Variants in AGAP1 observed in about 807,000 individuals in gnomAD.
AGAP1 encodes the protein arf-GAP with GTPase, ANK repeat and PH domain-containing protein 1.
Under a neutral mutation model 105.3 loss-of-function variants are expected in AGAP1, and 29 were observed. That is an observed-to-expected ratio of 0.28 (90% CI 0.21 to 0.38). AGAP1 has a LOEUF of 0.38. Ranked by LOEUF, AGAP1 falls within the 10% of genes least tolerant of loss-of-function variation. AGAP1 has a pLI of 1.00. For missense variants in AGAP1, 998 were observed against 1,165.1 expected, an observed-to-expected ratio of 0.86 and a Z score of 2.09; for synonymous variants, 509 against 485.9, an observed-to-expected ratio of 1.05 and a Z score of -0.63.
At chr2:235,652,207 G>A (rs1008287668) in intron 1 of AGAP1, among the ~76,000 whole-genome samples, 1 of 152,148 alleles carries the variant, frequency 6.6e-6, no homozygotes, top group Non-Finnish European at 1.5e-5. Context: ...TTGATTGAAT[G>A]TCCTGTGTCC....
intron 12 of AGAP1, among the ~76,000 whole-genome samples, chr2:235,950,512 G>A (rs1362795767): frequency 1.3e-5 from 2 of 152,072 alleles, no homozygotes; most frequent in Non-Finnish European, 2.9e-5. Context: ...AAGGGAGGGA[G>A]GGACCCTGAT....
At position 235,606,223 on chromosome 2, in the gene AGAP1, G is replaced by A. The variant is rs562005276; in HGVS notation, c.164-102956G>A. Among the ~76,000 whole-genome samples, 3 of 152,234 alleles carry A rather than the reference G, an allele frequency of 2.0e-5. No homozygotes were observed. The East Asian group carries it at 5.8e-4, about 29-fold the overall frequency. Reference sequence around the variant, plus strand: ...TTGGCATTGCTTCACATATGTTTGCGGCTGCCCTTTTTTAACCCCTTGGTG... The same window carrying A: ...TTGGCATTGCTTCACATATGTTTGCAGCTGCCCTTTTTTAACCCCTTGGTG... On this transcript the variant is annotated intron_variant, in intron 1 of 17. Transcript: ENST00000304032.
In AGAP1 at chr2:235,799,307, G is replaced by A; in HGVS notation, c.802-60G>A. On this transcript the variant is annotated intron_variant, in intron 7 of 17. Coordinates refer to ENST00000304032, the MANE Select transcript of AGAP1 (RefSeq NM_001037131.3). This position sits in a 1 kb window ranked among gnomAD's most constrained non-coding sequence, Gnocchi z 5.0. ...ACTTGTTGGTTATGACCTTGCCTAA[G>A]TGGAGGTCTTGGGTTCCTGAGTATG... The A allele has an allele frequency of 3.8e-6, 6 of 1,577,344 alleles. No homozygotes were observed. The highest frequency in any genetic ancestry group is 5.2e-6 in the Non-Finnish European group (6 of 1,158,392).
chr2:235,980,608 G>A (rs1169470167), intron 13 of AGAP1, among the ~76,000 whole-genome samples: 2 of 152,228 alleles, frequency 1.3e-5, no homozygotes, highest in East Asian at 1.9e-4. Context: ...TGATCCGGGG[G>A]AGGCTCTAAG....
intron 13 of AGAP1, among the ~76,000 whole-genome samples, chr2:235,980,088 G>A (rs2055026933): frequency 6.6e-6 from 1 of 152,188 alleles, no homozygotes; most frequent in South Asian, 2.1e-4. Flanking sequence ...TGTGGACCTT[G>A]AAGAGATTTC....
At chr2:235,814,790 A>G (rs997364940) in intron 9 of AGAP1, among the ~76,000 whole-genome samples, 4 of 152,290 alleles carry the variant, frequency 2.6e-5, no homozygotes, top group East Asian at 1.9e-4. Flanking sequence ...AGAGCTGCGG[A>G]TGGAGGGGTT....
At chr2:235,859,111 G>T (rs1009569276) in intron 9 of AGAP1, among the ~76,000 whole-genome samples, 4 of 152,116 alleles carry the variant, frequency 2.6e-5, no homozygotes, top group African/African-American at 9.7e-5. Context: ...ATGGTGCTCG[G>T]CGGCTGCTGA....
intron 1 of AGAP1, among the ~76,000 whole-genome samples, chr2:235,594,170 CTT>C (rs1015577434): frequency 2.0e-5 from 3 of 152,098 alleles, no homozygotes; most frequent in African/African-American, 7.2e-5. Flanking sequence ...TTCAAATAGA[CTT>C]AGTACTTCAG....
In AGAP1 at chr2:236,120,517, G is replaced by A. The variant is rs776896709; in HGVS notation, c.2370+70G>A. 6.5e-5 allele frequency: 103 copies of A among 1,588,012 alleles called. No homozygotes were observed. The highest frequency in any genetic ancestry group is 4.5e-4 in the Middle Eastern group (2 of 4,412). ...ACTCTCTGCTTTGTTCTGCTTCCGT[G>A]GGCATCTTTCTGGCAGAAGGCTGTT... On this transcript the variant is annotated intron_variant, in intron 17 of 17. Coordinates refer to ENST00000304032, the MANE Select transcript of AGAP1 (RefSeq NM_001037131.3). The surrounding 1 kb of genome is among the most constrained non-coding windows in gnomAD (Gnocchi z 6.0).
intron 12 of AGAP1, among the ~76,000 whole-genome samples, chr2:235,952,657 G>A (rs540985135): frequency 3.4e-4 from 51 of 152,120 alleles, no homozygotes; most frequent in Non-Finnish European, 6.6e-4. Context: ...TATTTCCCCA[G>A]GGCCTTAAAC....
At chr2:235,909,252 A>G (rs2051459101) in intron 11 of AGAP1, among the ~76,000 whole-genome samples, 1 of 152,224 alleles carries the variant, frequency 6.6e-6, no homozygotes, top group South Asian at 2.1e-4. Context: ...CTCATTTCTG[A>G]TAACTGTATG....
At chr2:235,666,781 T>G (rs1431445130) in intron 1 of AGAP1, among the ~76,000 whole-genome samples, 1 of 151,914 alleles carries the variant, frequency 6.6e-6, no homozygotes, top group Non-Finnish European at 1.5e-5. Context: ...TATTTTTTAC[T>G]TTGGGCTCTA....
chr2:235,732,207 C>T lies in AGAP1; in HGVS notation c.311-8756C>T, dbSNP rs916932013. Among the ~76,000 whole-genome samples the T allele has an allele frequency of 6.6e-6, 1 of 152,114 alleles. No individual in the cohort carries two copies. Among genetic ancestry groups the T allele is most frequent in the Admixed American group, 6.5e-5 (1 of 15,276 alleles). The stretch of plus-strand genomic sequence containing the variant: ...ATGTGTTGTCAGAGATACCATTTAT[C>T]CTTTTGTTTAGGTCCGTTTGTCAAT... On this transcript the variant is annotated intron_variant, in intron 3 of 17. Transcript: ENST00000304032. This position sits in a 1 kb window ranked among gnomAD's most constrained non-coding sequence, Gnocchi z 4.8.
At chr2:235,715,522 G>A (rs1336227259) in intron 2 of AGAP1, among the ~76,000 whole-genome samples, 1 of 152,200 alleles carries the variant, frequency 6.6e-6, no homozygotes. Flanking sequence ...GCAAGTTCAT[G>A]GACCTGCTGG....
intron 1 of AGAP1, among the ~76,000 whole-genome samples, chr2:235,521,006 C>G (rs923948950): frequency 6.6e-6 from 1 of 152,180 alleles, no homozygotes; most frequent in African/African-American, 2.4e-5. Flanking sequence ...ACAGATGCCC[C>G]AGGCTCATGT....
chr2:235,921,621 T>G (rs1211694380), intron 11 of AGAP1, among the ~76,000 whole-genome samples: 1 of 152,206 alleles, frequency 6.6e-6, no homozygotes, highest in Non-Finnish European at 1.5e-5. Context: ...TTAGTAGTAA[T>G]TACATCTGTC....
intron 16 of AGAP1, among the ~76,000 whole-genome samples, chr2:236,112,848 C>A (rs2059684097): frequency 6.6e-6 from 1 of 152,254 alleles, no homozygotes; most frequent in African/African-American, 2.4e-5. Flanking sequence ...TGGCCCCAGG[C>A]CTGTCCTGAA....
intron 1 of AGAP1, among the ~76,000 whole-genome samples, chr2:235,565,944 A>G (rs1260492468): frequency 6.6e-6 from 1 of 152,214 alleles, no homozygotes; most frequent in South Asian, 2.1e-4. Flanking sequence ...CCACTAAACT[A>G]TTGTTTTACA....
rs943168754 is a variant in AGAP1, at chr2:236,036,793, G to C, written c.1800+78G>C. On this transcript the variant is annotated intron_variant, in intron 14 of 17. Coordinates refer to ENST00000304032, the MANE Select transcript of AGAP1 (RefSeq NM_001037131.3). This position sits in a 1 kb window ranked among gnomAD's most constrained non-coding sequence, Gnocchi z 5.7. ...GGGCCCCAAGTAATGCCCCAGGGAGGAGAAAATAGAGGACCAGTGTGAATG... is the reference window on the plus strand; with the variant it reads ...GGGCCCCAAGTAATGCCCCAGGGAGCAGAAAATAGAGGACCAGTGTGAATG... 4.7e-5 allele frequency: 73 copies of C among 1,567,278 alleles called. No individual in the cohort carries two copies. In the Middle Eastern group the frequency reaches 8.6e-4, roughly 18 times the overall value.
Sources: allele counts gnomAD v4.1 joint callset (sites outside exome capture counted in the v4.1 genomes callset), GRCh38; gene constraint gnomAD v4.1.1; non-coding constraint Gnocchi (gnomAD v3.1); transcripts MANE v1.5; gene names NCBI Gene and HGNC (gene_info 2026-07-23, HGNC 2026-07-21).